SLC60A2: variants seen among roughly 807,000 people sequenced by gnomAD.
SLC60A2 encodes major facilitator superfamily domain containing 4B.
chr6:111,266,298 G>GT, the SLC60A2 span: 1 of 1,614,084 alleles, frequency 6.2e-7, no homozygotes, highest in South Asian at 1.1e-5. Context: ...TGGAGCTGAG[G>GT]TAACATATGG....
At chr6:111,265,860 C>T in the SLC60A2 span, 2 of 1,550,316 alleles carry the variant, frequency 1.3e-6, no homozygotes, top group East Asian at 2.3e-5. Flanking sequence ...TAATTTTTCC[C>T]ATCTTTCATC....
At chr6:111,263,455 G>C in the SLC60A2 span, among the ~76,000 whole-genome samples, 1 of 151,920 alleles carries the variant, frequency 6.6e-6, no homozygotes, top group African/African-American at 2.4e-5. Context: ...AACTACTCTA[G>C]TAATTGCATT....
At chr6:111,271,497 A>G in the SLC60A2 span, among the ~76,000 whole-genome samples, 6 of 152,092 alleles carry the variant, frequency 3.9e-5, no homozygotes, top group Non-Finnish European at 8.8e-5. Context: ...AGTATCAGAA[A>G]TAACTTGAAT....
the SLC60A2 span, chr6:111,267,351 CAT>C: frequency 1.2e-5 from 5 of 427,784 alleles, no homozygotes; most frequent in East Asian, 1.1e-4. Flanking sequence ...TATCATTTGA[CAT>C]GTGACTGATT....
At chr6:111,265,912 A>G in the SLC60A2 span, 11 of 1,613,342 alleles carry the variant, frequency 6.8e-6, no homozygotes, top group South Asian at 3.3e-5. Context: ...TGGGGGGACA[A>G]AGGAGCCCCA....
the SLC60A2 span, among the ~76,000 whole-genome samples, chr6:111,260,842 A>T: frequency 3.3e-5 from 5 of 152,172 alleles, 1 homozygote; most frequent in East Asian, 5.8e-4. Flanking sequence ...AACTAATTTG[A>T]TTAGATTCTG....
At chr6:111,262,977 G>T in the SLC60A2 span, among the ~76,000 whole-genome samples, 1 of 151,534 alleles carries the variant, frequency 6.6e-6, no homozygotes, top group South Asian at 2.1e-4. Flanking sequence ...TCCCTCTATT[G>T]CCCAGGCTGG....
At chr6:111,276,078 A>T in the SLC60A2 span, among the ~76,000 whole-genome samples, 88 of 152,240 alleles carry the variant, frequency 5.8e-4, no homozygotes, top group African/African-American at 2.1e-3. Flanking sequence ...GTCTTCAAGG[A>T]TCATCCTTGT....
the SLC60A2 span, among the ~76,000 whole-genome samples, chr6:111,276,925 C>T: frequency 1.1e-4 from 16 of 152,080 alleles, no homozygotes; most frequent in Non-Finnish European, 1.8e-4. Flanking sequence ...TGGGCCTTGC[C>T]TCAGGAGTTC....
At chr6:111,265,309 TCTC>T in the SLC60A2 span, 17 of 984,712 alleles carry the variant, frequency 1.7e-5, no homozygotes, top group South Asian at 4.2e-4. Flanking sequence ...TTCTTGCCTT[TCTC>T]CTCCTAGACG....
the SLC60A2 span, chr6:111,269,982 T>G: frequency 8.1e-6 from 1 of 122,976 alleles, no homozygotes; most frequent in Non-Finnish European, 1.5e-5. Flanking sequence ...TGGTAATGTC[T>G]GTACAGGCTG....
chr6:111,266,553 G>A, the SLC60A2 span: 2 of 1,614,100 alleles, frequency 1.2e-6, no homozygotes, highest in Admixed American at 1.7e-5. Context: ...AGTGTATGGG[G>A]CTTCAATGGC....
chr6:111,275,228 G>A, the SLC60A2 span, among the ~76,000 whole-genome samples: 1 of 151,652 alleles, frequency 6.6e-6, no homozygotes, highest in South Asian at 2.1e-4. Context: ...CTTATATATT[G>A]CTTTTATGTC....
the SLC60A2 span, chr6:111,265,828 G>T: frequency 4.1e-6 from 6 of 1,472,460 alleles, no homozygotes; most frequent in South Asian, 2.7e-5. Flanking sequence ...TTTTTAATAA[G>T]TAAGTAACTG....
the SLC60A2 span, among the ~76,000 whole-genome samples, chr6:111,260,363 C>T: frequency 6.6e-6 from 1 of 152,192 alleles, no homozygotes; most frequent in Non-Finnish European, 1.5e-5. Flanking sequence ...GGTGATCTGA[C>T]CAAATTCAGC....
At chr6:111,267,239 A>G in the SLC60A2 span, 2 of 967,458 alleles carry the variant, frequency 2.1e-6, no homozygotes, top group Non-Finnish European at 3.0e-6. Flanking sequence ...GGTCCATATT[A>G]TAGCAAATGC....
chr6:111,277,580 C>G, the SLC60A2 span, among the ~76,000 whole-genome samples: 76 of 152,260 alleles, frequency 5.0e-4, 1 homozygote, highest in South Asian at 0.015. Flanking sequence ...TTGCCTTCAC[C>G]AAGCTTATGT....
the SLC60A2 span, among the ~76,000 whole-genome samples, chr6:111,265,602 C>T: frequency 1.3e-5 from 2 of 152,016 alleles, no homozygotes; most frequent in African/African-American, 4.8e-5. Context: ...TAAAAAGCGT[C>T]TTGCTAATGT....
chr6:111,271,568 T>C, the SLC60A2 span, among the ~76,000 whole-genome samples: 1 of 151,800 alleles, frequency 6.6e-6, no homozygotes, highest in African/African-American at 2.4e-5. Flanking sequence ...TGAAGAATTA[T>C]AGTTTATTTT....
Sources: allele counts gnomAD v4.1 joint callset (sites outside exome capture counted in the v4.1 genomes callset), GRCh38; gene constraint gnomAD v4.1.1; transcripts MANE v1.5; gene names NCBI Gene and HGNC (gene_info 2026-07-23, HGNC 2026-07-21).